The following EYS variants were observed in gnomAD, a reference collection of about 807,000 sequenced individuals.
EYS encodes the protein EGF-like photoreceptor maintenance factor.
EYS carries 250 observed loss-of-function variants against 282.1 expected under a neutral mutation model. The ratio of observed to expected loss-of-function variants is 0.89; its 90% CI spans 0.80 to 0.98. The LOEUF is 0.98. Among genes scored for constraint, EYS ranks in the 50% least tolerant of loss-of-function variants. The pLI is 0.00. For synonymous variants in EYS, 1,355 were observed against 1,282.9 expected, an observed-to-expected ratio of 1.06 and a Z score of -1.20; for missense variants, 4,016 against 3,709.0, an observed-to-expected ratio of 1.08 and a Z score of -2.15.
At chr6:65,644,835 A>C (rs1203026203) in intron 1 of EYS, among the ~76,000 whole-genome samples, 1 of 152,184 alleles carries the variant, frequency 6.6e-6, no homozygotes, top group Non-Finnish European at 1.5e-5. Context: ...AATGAAGGAA[A>C]GATACAGTCT....
intron 30 of EYS, among the ~76,000 whole-genome samples, chr6:64,251,029 T>C (rs1288600024): frequency 6.6e-6 from 1 of 152,146 alleles, no homozygotes; most frequent in African/African-American, 2.4e-5. Context: ...ACTCTTTATC[T>C]CACCTTGTTC....
intron 2 of EYS, among the ~76,000 whole-genome samples, chr6:65,581,341 C>A (rs1764862085): frequency 6.6e-6 from 1 of 152,086 alleles, no homozygotes; most frequent in Non-Finnish European, 1.5e-5. Flanking sequence ...TATTGTACAG[C>A]AAACGTTTTA....
intron 30 of EYS, among the ~76,000 whole-genome samples, chr6:64,300,565 T>G (rs774280422): frequency 6.6e-6 from 1 of 152,150 alleles, no homozygotes; most frequent in Admixed American, 6.5e-5. Flanking sequence ...AAAGAGCCCA[T>G]GAATTAGTTG....
At chr6:65,357,287 G>A (rs763262104) in intron 8 of EYS, among the ~76,000 whole-genome samples, 4 of 151,992 alleles carry the variant, frequency 2.6e-5, no homozygotes, top group African/African-American at 7.2e-5. Flanking sequence ...GTGGTAACTG[G>A]TGTTGCTTTG....
chr6:65,447,634 C>T (rs1454444953), intron 5 of EYS, among the ~76,000 whole-genome samples: 6 of 151,728 alleles, frequency 4.0e-5, no homozygotes, highest in African/African-American at 1.5e-4. Context: ...GTGCTAGAGT[C>T]TCCATATGTA....
At chr6:64,688,611 T>C (rs1770249509) in intron 22 of EYS, among the ~76,000 whole-genome samples, 1 of 152,210 alleles carries the variant, frequency 6.6e-6, no homozygotes, top group South Asian at 2.1e-4. Flanking sequence ...ATTTCTGTTC[T>C]TTTGCATTTG....
intron 19 of EYS, among the ~76,000 whole-genome samples, chr6:64,830,227 C>G (rs1026097740): frequency 3.3e-5 from 5 of 151,898 alleles, no homozygotes; most frequent in Non-Finnish European, 1.5e-5. Flanking sequence ...CTGCTGCCAC[C>G]TTGATCTTGG....
intron 28 of EYS, among the ~76,000 whole-genome samples, chr6:64,432,262 G>A (rs1340884451): frequency 6.6e-6 from 1 of 151,862 alleles, no homozygotes; most frequent in Admixed American, 6.6e-5. Context: ...ACTCAAATTA[G>A]GATATTGTTG....
chr6:65,494,716 CT>C lies in EYS; in HGVS notation c.694del (p.Arg232GlufsTer25). 1 of 1,606,588 alleles carries C rather than the reference CT, an allele frequency of 6.2e-7. No individual in the cohort carries two copies. Among genetic ancestry groups the C allele is most frequent in the Non-Finnish European group, 8.5e-7 (1 of 1,175,680 alleles). ...CKNNGSCINK[R>X]ENWDEQAYEC... ...ATATGCTTGCTCATCCCAATTTTCT[CT>C]TTTATTAATGCAACTGCCATTATTT... On this transcript the variant is annotated frameshift_variant, in exon 4 of 43. Transcript: ENST00000503581. LOFTEE classifies it high-confidence loss of function.
At chr6:65,423,396 T>A (rs1435336843) in intron 5 of EYS, among the ~76,000 whole-genome samples, 1 of 151,962 alleles carries the variant, frequency 6.6e-6, no homozygotes, top group African/African-American at 2.4e-5. Flanking sequence ...GATGGGCAGA[T>A]GTTCTTCAGT....
chr6:65,703,423 C>A (rs1769754900), intron 1 of EYS, among the ~76,000 whole-genome samples: 1 of 151,812 alleles, frequency 6.6e-6, no homozygotes, highest in African/African-American at 2.4e-5. Context: ...AGACTTATAT[C>A]CTAAAATGTA....
At chr6:65,569,268 C>A (rs1431975595) in intron 2 of EYS, among the ~76,000 whole-genome samples, 1 of 151,982 alleles carries the variant, frequency 6.6e-6, no homozygotes, top group African/African-American at 2.4e-5. Context: ...TTTCCTTTAC[C>A]TACCCAAATG....
At chr6:65,501,188 C>A (rs1260027987) in intron 2 of EYS, among the ~76,000 whole-genome samples, 1 of 151,740 alleles carries the variant, frequency 6.6e-6, no homozygotes, top group Non-Finnish European at 1.5e-5. Flanking sequence ...AAATAATTGA[C>A]AATAGTATCA....
intron 12 of EYS, among the ~76,000 whole-genome samples, chr6:65,168,095 A>G (rs1361085134): frequency 6.6e-6 from 1 of 151,242 alleles, no homozygotes; most frequent in Non-Finnish European, 1.5e-5. Flanking sequence ...TTTTTGTTCA[A>G]ATTGTCCTTT....
intron 35 of EYS, among the ~76,000 whole-genome samples, chr6:63,941,853 A>G (rs1298144736): frequency 1.3e-5 from 2 of 152,234 alleles, no homozygotes; most frequent in African/African-American, 4.8e-5. Flanking sequence ...CGGTTGTGCA[A>G]CAGGAAAGCC....
chr6:65,387,642 T>C (rs1476632829), intron 7 of EYS, among the ~76,000 whole-genome samples: 1 of 151,930 alleles, frequency 6.6e-6, no homozygotes, highest in Non-Finnish European at 1.5e-5. Context: ...GCTGCTGAAA[T>C]AGCTTTTTCA....
At chr6:65,516,150 C>G (rs1014567784) in intron 2 of EYS, among the ~76,000 whole-genome samples, 1 of 151,926 alleles carries the variant, frequency 6.6e-6, no homozygotes, top group Non-Finnish European at 1.5e-5. Context: ...TAAAAGAGAA[C>G]ATATATATTA....
intron 22 of EYS, among the ~76,000 whole-genome samples, chr6:64,644,456 T>C (rs1768281816): frequency 1.3e-5 from 2 of 152,186 alleles, no homozygotes; most frequent in African/African-American, 4.8e-5. Flanking sequence ...ATTGTGAGGC[T>C]GATCATGATG....
chr6:64,722,615 A>T (rs190049855), intron 22 of EYS, among the ~76,000 whole-genome samples: 1 of 152,264 alleles, frequency 6.6e-6, no homozygotes, highest in East Asian at 1.9e-4. Context: ...CTTTACATAA[A>T]TATACAACAT....
Sources: allele counts gnomAD v4.1 joint callset (sites outside exome capture counted in the v4.1 genomes callset), GRCh38; gene constraint gnomAD v4.1.1; transcripts MANE v1.5; gene names NCBI Gene and HGNC (gene_info 2026-07-23, HGNC 2026-07-21).